SYNE1: variants seen among roughly 807,000 people sequenced by gnomAD.
SYNE1 encodes the protein spectrin repeat containing nuclear envelope protein 1.
SYNE1 carries 616 observed loss-of-function variants against 1,111.0 expected under a neutral mutation model. The observed-to-expected ratio is 0.55, with a 90% CI of 0.52 to 0.59. The LOEUF (loss-of-function observed/expected upper bound fraction) is 0.59, where lower values mean the gene tolerates loss of function less well. Among genes scored for constraint, SYNE1 ranks in the 20% least tolerant of loss-of-function variants. The pLI is 0.00. For synonymous variants in SYNE1, 3,855 were observed against 3,825.8 expected, an observed-to-expected ratio of 1.01 and a Z score of -0.28; for missense variants, 10,006 against 10,417.0, an observed-to-expected ratio of 0.96 and a Z score of 1.72.
rs144235226 is a variant in SYNE1 at position 152,449,539 on chromosome 6, G to A, written c.3498C>T (p.Ala1166=). Residue 1166 remains alanine, a synonymous_variant, in exon 28 of 146, where the codon GCC becomes GCT. Coordinates refer to ENST00000367255, the MANE Select transcript of SYNE1 (RefSeq NM_182961.4). ...ATAATGACCCTGAACTTACTTCAAC[G>A]GCACGTTTAACCTCTCCGTGGTTGG... ...DTANHGEVKR[A]VEEIRNGVTK... is the part of the protein sequence containing the mutation. 4.3e-5 allele frequency: 69 copies of A among 1,612,568 alleles called. No homozygotes were observed. The African/African-American group carries it at 4.8e-4, about 11-fold the overall frequency.
Position 152,488,384 on chromosome 6 carries a change from T to C in SYNE1, c.1047+12A>G. On this transcript the variant is annotated intron_variant, in intron 12 of 145. Transcript: ENST00000367255. ...GCTTTTGAAAAATTCAAAAATCTTC[T>C]CCATACAATACCTGATATTTATCCT... is the stretch of plus-strand genomic sequence containing the variant. The C allele has an allele frequency of 2.1e-6, 3 of 1,454,382 alleles. No homozygotes were observed. Among genetic ancestry groups the C allele is most frequent in the Non-Finnish European group, 2.9e-6 (3 of 1,039,404 alleles). 90.1% of individuals were successfully genotyped at this position (1,454,382 alleles called of 1,614,324 possible). A position where few individuals can be genotyped will look rare whatever the true frequency, so the allele number is the denominator to read the frequency against.
intron 3 of SYNE1, among the ~76,000 whole-genome samples, chr6:152,568,363 C>T (rs1366108934): frequency 1.6e-5 from 2 of 127,568 alleles, no homozygotes; most frequent in Non-Finnish European, 1.6e-5. Flanking sequence ...AGTACAGTGG[C>T]GAGATCTCGG....
chr6:152,488,707 TAACGAAA>T (rs1288225320), intron 11 of SYNE1, among the ~76,000 whole-genome samples: 11 of 145,838 alleles, frequency 7.5e-5, no homozygotes, highest in African/African-American at 2.9e-4. Context: ...TCTTATTGAA[TAACGAAA>T]TTAACCAACT....
intron 130 of SYNE1, among the ~76,000 whole-genome samples, chr6:152,172,685 G>A (rs1188736467): frequency 1.3e-5 from 2 of 152,170 alleles, no homozygotes; most frequent in East Asian, 3.9e-4. Context: ...GACAAAACGA[G>A]AGCCAGTATT....
At chr6:152,417,952 A>G (rs1470644808) in intron 40 of SYNE1, among the ~76,000 whole-genome samples, 4 of 152,174 alleles carry the variant, frequency 2.6e-5, no homozygotes, top group African/African-American at 9.6e-5. Context: ...ACTTCTGTAT[A>G]GGAAATTTGA....
chr6:152,354,673 A>G lies in SYNE1; in HGVS notation c.10912T>C (p.Leu3638=). 1 of 1,614,186 alleles carries G rather than the reference A, an allele frequency of 6.2e-7. No homozygotes were observed. Reference sequence around the variant, plus strand: ...ATGAGTTGTACCTTCATCTGATGTAATTGTATCTCCTTGGTTGCCCTGTTA... The same window carrying G: ...ATGAGTTGTACCTTCATCTGATGTAGTTGTATCTCCTTGGTTGCCCTGTTA... ...QSNRATKEIQ[L]HQMKKWHEEV... is the part of the protein sequence containing the mutation. The change falls in exon 67 of 146, where the codon TTA becomes CTA. Residue 3638 remains leucine, a synonymous_variant. Transcript: ENST00000367255.
At chr6:152,533,094 C>T (rs138960449) in intron 4 of SYNE1, among the ~76,000 whole-genome samples, 1 of 152,230 alleles carries the variant, frequency 6.6e-6, no homozygotes, top group African/African-American at 2.4e-5. Context: ...TTTTATTCAG[C>T]AAATCTAATT....
chr6:152,288,855 T>C (rs2094453370), intron 95 of SYNE1, among the ~76,000 whole-genome samples: 1 of 152,154 alleles, frequency 6.6e-6, no homozygotes, highest in Non-Finnish European at 1.5e-5. Flanking sequence ...CTCACTTAAA[T>C]CTTGTTAGAA....
Position 152,202,381 on chromosome 6 carries a change from A to C in SYNE1, c.23020-432T>G, listed in dbSNP as rs1327839460. On this transcript the variant is annotated intron_variant, in intron 126 of 145. Coordinates refer to ENST00000367255, the MANE Select transcript of SYNE1 (RefSeq NM_182961.4). ...AAAAAAAAAAAAAAGCAAAAAAAAA[A>C]AAGAACAAAGTTGCGCTGATGAACA... Among the ~76,000 whole-genome samples the C allele has an allele frequency of 4.0e-5, 6 of 151,336 alleles. No homozygotes were observed. The East Asian group carries it at 9.7e-4, about 24-fold the overall frequency.
chr6:152,261,229 C>T (rs1020015572), intron 101 of SYNE1, among the ~76,000 whole-genome samples: 3 of 152,126 alleles, frequency 2.0e-5, no homozygotes, highest in African/African-American at 2.4e-5. Context: ...CCTAGATGGA[C>T]GCTGCTAGCC....
intron 3 of SYNE1, among the ~76,000 whole-genome samples, chr6:152,604,331 C>T (rs1461894739): frequency 1.3e-5 from 2 of 152,076 alleles, no homozygotes; most frequent in Non-Finnish European, 2.9e-5. Context: ...GAGACAGGGT[C>T]TCACTCTGTC....
intron 61 of SYNE1, chr6:152,367,690 G>C (rs1317947200): frequency 2.7e-6 from 1 of 373,114 alleles, no homozygotes; most frequent in African/African-American, 2.1e-5. Context: ...GGTCAAAGTA[G>C]TTTCTAGTTT....
At position 152,173,229 on chromosome 6, in the gene SYNE1, G is replaced by A. The variant is rs114010504; in HGVS notation, c.23627+3165C>T. Among the ~76,000 whole-genome samples the A allele has an allele frequency of 2.1e-3, 315 of 152,164 alleles. 1 individual carries two copies. The highest frequency in any genetic ancestry group is 7.2e-3 in the African/African-American group (299 of 41,522). On this transcript the variant is annotated intron_variant, in intron 130 of 145. Coordinates refer to ENST00000367255, the MANE Select transcript of SYNE1 (RefSeq NM_182961.4). ...ATGTCAAGTTGACTCTAAATTATGC[G>A]TTCTATTTTTATGTATGTAATAGAT...
chr6:152,276,236 T>C (rs903819011), intron 98 of SYNE1, among the ~76,000 whole-genome samples: 1 of 152,102 alleles, frequency 6.6e-6, no homozygotes, highest in Non-Finnish European at 1.5e-5. Flanking sequence ...GGTTTCACCA[T>C]GTTGGCCAGG....
rs1327376542 is a variant in SYNE1, at chr6:152,122,451, G to C, written c.26379C>G (p.Gly8793=). ...TCTGCTTAGTTCAGAGTGGAGGAGG[G>C]CCATTCGTGTATCTGAGCATGGGGT... ...SFHPMLRYTN[G]PPPL The change falls in exon 146 of 146, where the codon GGC becomes GGG. Residue 8793 remains glycine, a synonymous_variant. Coordinates refer to ENST00000367255, the MANE Select transcript of SYNE1 (RefSeq NM_182961.4). 11 of 1,614,032 alleles carry C rather than the reference G, an allele frequency of 6.8e-6. No homozygotes were observed. Among genetic ancestry groups the C allele is most frequent in the South Asian group, 6.6e-5 (6 of 91,084 alleles).
intron 127 of SYNE1, among the ~76,000 whole-genome samples, chr6:152,191,658 TC>T (rs1488992381): frequency 3.3e-5 from 5 of 152,144 alleles, no homozygotes; most frequent in African/African-American, 4.8e-5. Context: ...TTTTTCTTAG[TC>T]TGGCTAATGG....
At chr6:152,271,832 C>T (rs1348668610) in intron 98 of SYNE1, among the ~76,000 whole-genome samples, 1 of 152,232 alleles carries the variant, frequency 6.6e-6, no homozygotes. Flanking sequence ...TGGCCATGAC[C>T]TGCTGACTTG....
At chr6:152,309,137 G>T (rs1399467196) in intron 90 of SYNE1, among the ~76,000 whole-genome samples, 3 of 152,138 alleles carry the variant, frequency 2.0e-5, no homozygotes, top group Admixed American at 1.3e-4. Flanking sequence ...GGGCAACATG[G>T]TGACACCCCC....
chr6:152,481,257 C>CTGTATCATTAAAAA, intron 14 of SYNE1: 1 of 203,942 alleles, frequency 4.9e-6, no homozygotes, highest in South Asian at 8.1e-5. Flanking sequence ...AGATTGGAGG[C>CTGTATCATTAAAAA]ACCACAAACG....
Sources: allele counts gnomAD v4.1 joint callset (sites outside exome capture counted in the v4.1 genomes callset), GRCh38; gene constraint gnomAD v4.1.1; transcripts MANE v1.5; gene names NCBI Gene and HGNC (gene_info 2026-07-23, HGNC 2026-07-21).